The following MKLN1 variants were observed in gnomAD, a reference collection of about 807,000 sequenced individuals.
MKLN1 encodes muskelin 1.
Under a neutral mutation model 99.0 loss-of-function variants are expected in MKLN1, and 18 were observed. That is an observed-to-expected ratio of 0.18 (90% CI 0.13 to 0.27). MKLN1 has a LOEUF of 0.27. Among genes scored for constraint, MKLN1 ranks in the 10% least tolerant of loss-of-function variants. The pLI is 1.00. For synonymous variants in MKLN1, 288 were observed against 293.2 expected, an observed-to-expected ratio of 0.98 and a Z score of 0.18; for missense variants, 621 against 875.9, an observed-to-expected ratio of 0.71 and a Z score of 3.67.
chr7:131,329,559 T>G (rs557704217), intron 1 of MKLN1, among the ~76,000 whole-genome samples: 25 of 152,332 alleles, frequency 1.6e-4, no homozygotes, highest in African/African-American at 6.0e-4. Context: ...GGAATTGGTG[T>G]GGCATTGTTT....
At chr7:131,426,300 C>T (rs1450097676) in intron 8 of MKLN1, among the ~76,000 whole-genome samples, 1 of 152,124 alleles carries the variant, frequency 6.6e-6, no homozygotes, top group Non-Finnish European at 1.5e-5. Context: ...CCAGAGGGTG[C>T]CCAGAAACAC....
chr7:131,418,369 CAAAA>C (rs943898750), intron 8 of MKLN1, among the ~76,000 whole-genome samples: 358 of 54,760 alleles, frequency 6.5e-3, no homozygotes, highest in African/African-American at 0.021. Context: ...GACTTCGTCT[CAAAA>C]AAAAAAAAAA....
chr7:131,480,359 C>CT (rs1797088808), intron 17 of MKLN1, among the ~76,000 whole-genome samples: 1 of 152,032 alleles, frequency 6.6e-6, no homozygotes, highest in Admixed American at 6.6e-5. Context: ...ATTATTTGAC[C>CT]TTTTATCTCT....
chr7:131,215,744 G>A (rs1232117972), intron 3 of MKLN1, among the ~76,000 whole-genome samples: 1 of 152,220 alleles, frequency 6.6e-6, no homozygotes, highest in East Asian at 1.9e-4. Context: ...CTACTGTGAT[G>A]ATGGAGATAC....
intron 17 of MKLN1, among the ~76,000 whole-genome samples, chr7:131,484,826 G>A (rs1484033184): frequency 6.6e-6 from 1 of 151,980 alleles, no homozygotes; most frequent in African/African-American, 2.4e-5. Flanking sequence ...TGTATTTTAA[G>A]TTGAGCAAAT....
intron 3 of MKLN1, among the ~76,000 whole-genome samples, chr7:131,255,111 T>A (rs939015933): frequency 6.6e-6 from 1 of 151,914 alleles, no homozygotes; most frequent in Non-Finnish European, 1.5e-5. Flanking sequence ...GGCAATTTTT[T>A]AAAAAAAATT....
intron 1 of MKLN1, among the ~76,000 whole-genome samples, chr7:131,112,764 G>A (rs536908256): frequency 6.6e-6 from 1 of 152,266 alleles, no homozygotes; most frequent in African/African-American, 2.4e-5. Context: ...GTGGAATGAT[G>A]GAGGAAGGGG....
intron 3 of MKLN1, among the ~76,000 whole-genome samples, chr7:131,315,015 G>T (rs1348626271): frequency 4.6e-5 from 7 of 151,962 alleles, no homozygotes. Flanking sequence ...TCCCACTGTG[G>T]CCTCCCGAAG....
At chr7:131,429,002 T>C (rs754444642) in intron 8 of MKLN1, 31 bp from the exon 9 acceptor site, 12 of 1,581,564 alleles carry the variant, frequency 7.6e-6, no homozygotes, top group Non-Finnish European at 1.0e-5. Context: ...TTGTCCTTTT[T>C]TTTTTACACA....
chr7:131,323,841 G>C (rs921666693), upstream of MKLN1: 4 of 152,232 alleles, frequency 2.6e-5, no homozygotes, highest in East Asian at 5.8e-4. Context: ...TCAAGGTATG[G>C]GGGACCAGAC....
chr7:131,349,743 A>T (rs1239167328), intron 1 of MKLN1, among the ~76,000 whole-genome samples: 1 of 152,198 alleles, frequency 6.6e-6, no homozygotes, highest in Admixed American at 6.6e-5. Context: ...GTCTCAGCAG[A>T]TAGATTTTTT....
chr7:131,451,950 T>A (rs1355933645), intron 12 of MKLN1, among the ~76,000 whole-genome samples: 1 of 152,246 alleles, frequency 6.6e-6, no homozygotes, highest in East Asian at 1.9e-4. Flanking sequence ...GAAGCATATA[T>A]TGAACCTTCT....
chr7:131,199,803 C>T lies in MKLN1; in HGVS notation c.-296-3054C>T, dbSNP rs187266878. Among the ~76,000 whole-genome samples the T allele has an allele frequency of 7.5e-4, 114 of 152,274 alleles. 2 individuals are homozygous for T. The highest frequency in any genetic ancestry group is 2.5e-3 in the African/African-American group (104 of 41,554). ...CTGCTGCCAGGGTTCAAGTGATTCT[C>T]GTGTCTCAGCCTCCCAAGTAGCTGG... On this transcript the variant is annotated intron_variant, in intron 2 of 7. Transcript: ENST00000416992.
At chr7:131,242,553 A>G (rs1419839894) in intron 3 of MKLN1, 14 of 375,416 alleles carry the variant, frequency 3.7e-5, no homozygotes. Context: ...GAAAAAGGAA[A>G]GTTCCTTTTT....
intron 3 of MKLN1, among the ~76,000 whole-genome samples, chr7:131,322,772 T>G (rs982789694): frequency 1.3e-5 from 2 of 151,212 alleles, no homozygotes; most frequent in Admixed American, 6.6e-5. Context: ...GGGTTTCACC[T>G]TGTTAGCCAG....
At chr7:131,142,976 G>A (rs1484820529) in intron 2 of MKLN1, 3 of 1,294,978 alleles carry the variant, frequency 2.3e-6, no homozygotes, top group African/African-American at 3.1e-5. Context: ...TCTTTCTTTA[G>A]TTGTCAAAAA....
intron 2 of MKLN1, among the ~76,000 whole-genome samples, chr7:131,385,044 C>T (rs1404711810): frequency 6.6e-6 from 1 of 152,188 alleles, no homozygotes. Flanking sequence ...ATCTCCTTTT[C>T]GATCTCAGCC....
chr7:131,232,677 T>C (rs1384889105), intron 3 of MKLN1, among the ~76,000 whole-genome samples: 1 of 152,182 alleles, frequency 6.6e-6, no homozygotes, highest in Non-Finnish European at 1.5e-5. Context: ...AATGAAAAAC[T>C]GTACTCCTCA....
intron 3 of MKLN1, among the ~76,000 whole-genome samples, chr7:131,226,270 T>C (rs1411149846): frequency 6.6e-6 from 1 of 152,154 alleles, no homozygotes; most frequent in Non-Finnish European, 1.5e-5. Flanking sequence ...AATAGATGGG[T>C]TTCAGCCCAA....
Sources: gnomAD v4.1 joint callset for allele counts (sites outside exome capture counted in the v4.1 genomes callset) on GRCh38, gnomAD v4.1.1 for gene constraint, MANE v1.5 for transcripts, NCBI Gene and HGNC (gene_info 2026-07-23, HGNC 2026-07-21) for gene names.